MYRIP: variants seen among roughly 807,000 people sequenced by gnomAD.
MYRIP encodes rab effector MyRIP.
A neutral mutation model predicts 98.0 loss-of-function variants in MYRIP; 49 were observed. The observed-to-expected ratio is 0.50, with a 90% CI of 0.40 to 0.63. MYRIP has a LOEUF of 0.63. MYRIP is among the 30% of genes least tolerant of loss of function. The pLI, the probability that MYRIP is intolerant of heterozygous loss-of-function variation, is 0.00. For synonymous variants in MYRIP, 404 were observed against 409.5 expected (o/e 0.99, Z 0.16); for missense variants, 1,004 against 1,058.2 (o/e 0.95, Z 0.71).
chr3:39,959,769 C>T (rs1168449986), intron 2 of MYRIP, among the ~76,000 whole-genome samples: 1 of 151,642 alleles, frequency 6.6e-6, no homozygotes, highest in African/African-American at 2.4e-5. Flanking sequence ...TTTTAAGTAT[C>T]AATTCAATAT....
At position 40,167,166 on chromosome 3, in the gene MYRIP, A is replaced by T; in HGVS notation, c.656A>T (p.Gln219Leu). 1 of 1,614,136 alleles carries T rather than the reference A, an allele frequency of 6.2e-7. No individual in the cohort carries two copies. Among genetic ancestry groups the T allele is most frequent in the African/African-American group, 1.3e-5 (1 of 75,040 alleles). ...ATTCTCTTCCCTCCTCAGGACAAGC[A>T]AAATGAGGCCAGTTACCTGCGGGAC... The part of the protein sequence containing the change: ...AEAYGDSLDK[Q>L]NEASYLRDHK... Residue 219 changes from glutamine (Q) to leucine (L), a missense_variant, in exon 7 of 17, where the codon CAA (glutamine) becomes CTA (leucine). By Grantham distance (113) the Gln-to-Leu change is moderately radical. Around this residue, in one of 3 missense-constraint regions of MYRIP, gnomAD observed 880 missense variants for 907.7 expected, o/e 0.97. Coordinates refer to ENST00000302541, the MANE Select transcript of MYRIP (RefSeq NM_015460.4).
chr3:40,152,055 T>G (rs1401199361), intron 4 of MYRIP, among the ~76,000 whole-genome samples: 2 of 152,188 alleles, frequency 1.3e-5, no homozygotes, highest in Admixed American at 6.5e-5. Context: ...TGGAGAATCA[T>G]TAGGGTCTTT....
At chr3:40,184,927 T>G (rs1950986784) in intron 9 of MYRIP, among the ~76,000 whole-genome samples, 1 of 152,194 alleles carries the variant, frequency 6.6e-6, no homozygotes, top group Admixed American at 6.5e-5. Context: ...TAAAAAGGAC[T>G]TGGGTGGAAA....
chr3:39,846,004 T>C (rs539149155), intron 1 of MYRIP, among the ~76,000 whole-genome samples: 2 of 152,332 alleles, frequency 1.3e-5, no homozygotes, highest in African/African-American at 2.4e-5. Context: ...AACTTGCAGA[T>C]CAAATATAAA....
chr3:39,836,729 C>T (rs2125589824), intron 1 of MYRIP, among the ~76,000 whole-genome samples: 1 of 152,354 alleles, frequency 6.6e-6, no homozygotes, highest in East Asian at 1.9e-4. Context: ...CCACCCTGAG[C>T]AGCTCCGCAC....
At chr3:40,227,034 C>T (rs1218442960) in intron 11 of MYRIP, among the ~76,000 whole-genome samples, 2 of 152,168 alleles carry the variant, frequency 1.3e-5, no homozygotes, top group African/African-American at 2.4e-5. Context: ...TCTGTAGGTC[C>T]GCAGCCTGTT....
intron 2 of MYRIP, among the ~76,000 whole-genome samples, chr3:39,999,009 CTTATACAAAAA>C (rs962761907): frequency 6.6e-5 from 10 of 152,146 alleles, no homozygotes; most frequent in African/African-American, 2.4e-4. Context: ...TTCCTTACAC[CTTATACAAAAA>C]TTAATTCAAG....
chr3:39,974,210 AAAGGGGATATCACCACC>A (rs1466704463), intron 2 of MYRIP, among the ~76,000 whole-genome samples: 1 of 152,190 alleles, frequency 6.6e-6, no homozygotes, highest in Non-Finnish European at 1.5e-5. Flanking sequence ...AAAAAATGAT[AAAGGGGATATCACCACC>A]GATCCCATAG....
At chr3:39,857,060 G>T (rs560510042) in intron 1 of MYRIP, among the ~76,000 whole-genome samples, 10 of 152,062 alleles carry the variant, frequency 6.6e-5, no homozygotes, top group African/African-American at 1.9e-4. Flanking sequence ...ATTTTTTAAA[G>T]AAATTATCCA....
At chr3:39,930,246 C>G (rs1445672672) in intron 2 of MYRIP, among the ~76,000 whole-genome samples, 1 of 151,934 alleles carries the variant, frequency 6.6e-6, no homozygotes, top group Non-Finnish European at 1.5e-5. Context: ...GCACAGCCAT[C>G]CTGGTGGGTA....
chr3:40,129,649 G>C (rs929397045), intron 3 of MYRIP, among the ~76,000 whole-genome samples: 2 of 152,014 alleles, frequency 1.3e-5, no homozygotes, highest in African/African-American at 4.8e-5. Flanking sequence ...ACTGGGAATA[G>C]CAAGATCTTC....
intron 2 of MYRIP, among the ~76,000 whole-genome samples, chr3:39,976,624 A>C (rs1452464704): frequency 5.3e-5 from 8 of 152,246 alleles, no homozygotes; most frequent in Non-Finnish European, 1.2e-4. Context: ...TATTCACAAT[A>C]GCAAAGACTT....
At chr3:40,056,314 G>A (rs907972886) in intron 3 of MYRIP, among the ~76,000 whole-genome samples, 1 of 152,156 alleles carries the variant, frequency 6.6e-6, no homozygotes, top group African/African-American at 2.4e-5. Context: ...TTTCCTGATT[G>A]AGAACATGGG....
intron 2 of MYRIP, among the ~76,000 whole-genome samples, chr3:39,913,367 A>G (rs1944073325): frequency 6.6e-6 from 1 of 152,190 alleles, no homozygotes; most frequent in Non-Finnish European, 1.5e-5. Flanking sequence ...AAAACACATT[A>G]GTTTTGTCAC....
At position 40,215,433 on chromosome 3, in the gene MYRIP, C is replaced by T. The variant is rs551123756; in HGVS notation, c.1905+5340C>T. ...CTCTAAACTAATAAATGTCTTTCTC[C>T]CCTAAACAAGAGAATAATTTGTGCA... is the stretch of plus-strand genomic sequence containing the variant. On this transcript the variant is annotated intron_variant, in intron 11 of 16. Coordinates refer to ENST00000302541, the MANE Select transcript of MYRIP (RefSeq NM_015460.4). 2.5e-4 allele frequency among the ~76,000 whole-genome samples: 38 copies of T among 151,960 alleles called. No homozygotes were observed. The South Asian group carries it at 7.9e-3, about 32-fold the overall frequency.
chr3:40,233,894 A>G lies in MYRIP; in HGVS notation c.1941A>G (p.Thr647=). Residue 647 remains threonine, a synonymous_variant, in exon 12 of 17, where the codon ACA becomes ACG. Coordinates refer to ENST00000302541, the MANE Select transcript of MYRIP (RefSeq NM_015460.4). ...FSAVSLCNIS[T]EVLKVINATE... ...CTGTTTCTCTCTGCAACATCTCCAC[A>G]GAAGTCCTGAAAGTCATCAATGCCA... 1 of 1,613,576 alleles carries G rather than the reference A, an allele frequency of 6.2e-7. No homozygotes were observed. The highest frequency in any genetic ancestry group is 8.5e-7 in the Non-Finnish European group (1 of 1,179,850).
intron 3 of MYRIP, among the ~76,000 whole-genome samples, chr3:40,095,727 T>C (rs1377892364): frequency 6.6e-6 from 1 of 151,990 alleles, no homozygotes; most frequent in African/African-American, 2.4e-5. Flanking sequence ...GCCATCTCTC[T>C]GCCTCCCTCG....
chr3:40,007,918 T>C (rs1224028387), intron 2 of MYRIP, among the ~76,000 whole-genome samples: 1 of 152,140 alleles, frequency 6.6e-6, no homozygotes, highest in Non-Finnish European at 1.5e-5. Context: ...AGTCTATAGG[T>C]TTAAATGTTA....
chr3:40,074,081 T>A (rs1018710232), intron 3 of MYRIP, among the ~76,000 whole-genome samples: 1 of 151,844 alleles, frequency 6.6e-6, no homozygotes, highest in African/African-American at 2.4e-5. Flanking sequence ...TAGAAACTTT[T>A]TTTTTTTTTT....
Sources: allele counts gnomAD v4.1 joint callset (sites outside exome capture counted in the v4.1 genomes callset), GRCh38; gene constraint gnomAD v4.1.1; regional missense constraint gnomAD v4.1.1; transcripts MANE v1.5; gene names NCBI Gene and HGNC (gene_info 2026-07-23, HGNC 2026-07-21).